Variants in CCDC102B observed in about 807,000 individuals in gnomAD.
CCDC102B encodes coiled-coil domain containing 102B, also known as coiled-coil domain-containing protein 102B.
CCDC102B carries 75 observed loss-of-function variants against 57.4 expected under a neutral mutation model. The ratio of observed to expected loss-of-function variants is 1.31; its 90% CI spans 1.08 to 1.58. The LOEUF is 1.58. Among genes scored for constraint, CCDC102B ranks in the 40% most tolerant of loss-of-function variants. The probability of loss-of-function intolerance (pLI) is 0.00; values close to 1 mark genes in which losing one functional copy is unlikely to be tolerated. For missense variants in CCDC102B, 636 were observed against 582.6 expected (o/e 1.09, Z -0.94); for synonymous variants, 206 against 201.9 (o/e 1.02, Z -0.17).
intron 2 of CCDC102B, among the ~76,000 whole-genome samples, chr18:68,746,723 G>A (rs528824663): frequency 6.6e-6 from 1 of 151,010 alleles, no homozygotes; most frequent in South Asian, 2.1e-4. Flanking sequence ...GTCATTATTG[G>A]GTTATCATCT....
intron 4 of CCDC102B, among the ~76,000 whole-genome samples, chr18:68,863,652 C>G (rs2038854516): frequency 6.6e-6 from 1 of 151,924 alleles, no homozygotes. Context: ...CCCGCCATTT[C>G]TTTAACCAAG....
At chr18:68,861,244 C>T (rs10782034) in intron 4 of CCDC102B, among the ~76,000 whole-genome samples, 52,592 of 151,414 alleles carry the variant, frequency 0.35, 10,011 homozygotes, top group East Asian at 0.66. Context: ...GTTTTTTTGA[C>T]GACTACCGTG....
intron 1 of CCDC102B, among the ~76,000 whole-genome samples, chr18:68,801,265 C>T (rs937055456): frequency 2.0e-5 from 3 of 152,074 alleles, no homozygotes; most frequent in Admixed American, 2.0e-4. Flanking sequence ...GTGCTCCATC[C>T]TCAGTGCCCT....
chr18:68,889,315 TAC>T (rs1186488919), intron 5 of CCDC102B, among the ~76,000 whole-genome samples: 2 of 152,224 alleles, frequency 1.3e-5, no homozygotes, highest in East Asian at 3.9e-4. Context: ...ACATGGAGAA[TAC>T]ATCTGTGAGT....
intron 6 of CCDC102B, among the ~76,000 whole-genome samples, chr18:68,924,134 C>CG (rs1015713835): frequency 1.3e-5 from 2 of 150,618 alleles, no homozygotes; most frequent in Admixed American, 6.6e-5. Flanking sequence ...CTTCTTCCCC[C>CG]CCAAAACTTA....
At chr18:68,993,810 CA>C (rs1439093344) in intron 6 of CCDC102B, among the ~76,000 whole-genome samples, 1 of 152,088 alleles carries the variant, frequency 6.6e-6, no homozygotes, top group Non-Finnish European at 1.5e-5. Context: ...GGTTCTATTT[CA>C]AGTAAATAGA....
At chr18:68,774,028 A>G (rs1448346647) in intron 2 of CCDC102B, among the ~76,000 whole-genome samples, 2 of 152,066 alleles carry the variant, frequency 1.3e-5, no homozygotes, top group Admixed American at 6.6e-5. Flanking sequence ...GTTTAAAAAT[A>G]TGCCATACAA....
intron 4 of CCDC102B, among the ~76,000 whole-genome samples, chr18:68,871,243 C>G (rs1001553203): frequency 6.6e-6 from 1 of 152,128 alleles, no homozygotes; most frequent in Non-Finnish European, 1.5e-5. Flanking sequence ...AGGACAGGAA[C>G]TTGGAAAATG....
At chr18:68,910,471 A>T (rs778318675) in intron 6 of CCDC102B, among the ~76,000 whole-genome samples, 18 of 152,160 alleles carry the variant, frequency 1.2e-4, no homozygotes, top group Admixed American at 5.9e-4. Flanking sequence ...GCATAGCAGA[A>T]TGATGTTATT....
intron 7 of CCDC102B, among the ~76,000 whole-genome samples, chr18:69,026,694 G>A (rs1197654007): frequency 1.3e-5 from 2 of 152,116 alleles, no homozygotes; most frequent in African/African-American, 4.8e-5. Flanking sequence ...AGGAGGCAGA[G>A]ACTGAGAATC....
chr18:68,845,278 T>G (rs993549090), intron 3 of CCDC102B, among the ~76,000 whole-genome samples: 1 of 151,908 alleles, frequency 6.6e-6, no homozygotes, highest in African/African-American at 2.4e-5. Flanking sequence ...TTTCTAGCTC[T>G]GTGAATATGT....
At chr18:68,782,216 C>T (rs535777981) in intron 2 of CCDC102B, among the ~76,000 whole-genome samples, 33 of 151,768 alleles carry the variant, frequency 2.2e-4, no homozygotes, top group African/African-American at 7.5e-4. Flanking sequence ...ATTTTTATTC[C>T]GCTTATCACC....
At chr18:68,998,991 TATATATATAGAG>T (rs1476728608) in intron 6 of CCDC102B, among the ~76,000 whole-genome samples, 2,595 of 69,476 alleles carry the variant, frequency 0.037, 13 homozygotes, top group Admixed American at 0.05. Context: ...TATATATATA[TATATATATAGAG>T]AGAGAGAGAG....
intron 6 of CCDC102B, among the ~76,000 whole-genome samples, chr18:68,956,894 T>C (rs1018669637): frequency 6.6e-6 from 1 of 151,830 alleles, no homozygotes; most frequent in African/African-American, 2.4e-5. Flanking sequence ...GTTAAGTACC[T>C]TTTCATATAT....
chr18:68,927,663 A>G (rs1470950316), intron 6 of CCDC102B, among the ~76,000 whole-genome samples: 1 of 151,984 alleles, frequency 6.6e-6, no homozygotes, highest in African/African-American at 2.4e-5. Context: ...AAAATCAAAT[A>G]GTAGCTAATA....
chr18:68,992,784 A>G, intron 6 of CCDC102B: 1 of 160,462 alleles, frequency 6.2e-6, no homozygotes, highest in Non-Finnish European at 1.4e-5. Flanking sequence ...GTGTCAACCC[A>G]GGAGGAACGC....
chr18:68,924,767 C>T (rs2041419502), intron 6 of CCDC102B, among the ~76,000 whole-genome samples: 1 of 152,104 alleles, frequency 6.6e-6, no homozygotes, highest in Non-Finnish European at 1.5e-5. Flanking sequence ...GTCCTCACTT[C>T]AAGGTTCTTG....
chr18:68,896,097 A>G (rs1448776182), intron 5 of CCDC102B, among the ~76,000 whole-genome samples: 1 of 152,022 alleles, frequency 6.6e-6, no homozygotes, highest in Non-Finnish European at 1.5e-5. Context: ...AAGCTTATCC[A>G]GAGAATAAAT....
intron 2 of CCDC102B, among the ~76,000 whole-genome samples, chr18:68,750,434 C>T (rs1041212551): frequency 2.6e-5 from 4 of 152,126 alleles, no homozygotes; most frequent in African/African-American, 9.7e-5. Context: ...CCAGCCATCC[C>T]ATTAGTGGGT....
Sources: allele counts gnomAD v4.1 joint callset (sites outside exome capture counted in the v4.1 genomes callset), GRCh38; gene constraint gnomAD v4.1.1; transcripts MANE v1.5; gene names NCBI Gene and HGNC (gene_info 2026-07-23, HGNC 2026-07-21).